Variants in HS3ST2 observed in about 807,000 individuals in gnomAD.
The protein encoded by HS3ST2 is heparan sulfate-glucosamine 3-sulfotransferase 2.
A neutral mutation model predicts 26.3 loss-of-function variants in HS3ST2; 17 were observed. The ratio of observed to expected loss-of-function variants is 0.65; its 90% CI spans 0.44 to 0.97. The LOEUF (loss-of-function observed/expected upper bound fraction) is 0.97. Among genes scored for constraint, HS3ST2 ranks in the 50% least tolerant of loss-of-function variants. The probability of loss-of-function intolerance (pLI) is 0.00; values close to 1 mark genes in which losing one functional copy is unlikely to be tolerated. For synonymous variants in HS3ST2, 237 were observed against 219.2 expected, an observed-to-expected ratio of 1.08 and a Z score of -0.72; for missense variants, 402 against 501.2, an observed-to-expected ratio of 0.80 and a Z score of 1.89.
intron 1 of HS3ST2, among the ~76,000 whole-genome samples, chr16:22,909,614 G>C (rs538617239): frequency 2.0e-5 from 3 of 152,120 alleles, no homozygotes; most frequent in Non-Finnish European, 4.4e-5. Flanking sequence ...GTGTTTTTTG[G>C]TGGGATAGAG....
At chr16:22,881,020 C>G (rs1449503672) in intron 1 of HS3ST2, among the ~76,000 whole-genome samples, 1 of 152,180 alleles carries the variant, frequency 6.6e-6, no homozygotes, top group African/African-American at 2.4e-5. Flanking sequence ...CAATACATTC[C>G]CTTGTTGTTT....
intron 1 of HS3ST2, among the ~76,000 whole-genome samples, chr16:22,851,921 T>C (rs1452775636): frequency 6.6e-6 from 1 of 152,192 alleles, no homozygotes; most frequent in East Asian, 1.9e-4. Context: ...TGCAGTCACC[T>C]ATGAGAATAC....
intron 1 of HS3ST2, among the ~76,000 whole-genome samples, chr16:22,818,709 CTCCTTCCTTCCT>C (rs1356019319): frequency 1.0e-4 from 8 of 76,754 alleles, no homozygotes; most frequent in South Asian, 4.3e-4. Flanking sequence ...CCTTCCTTCC[CTCCTTCCTTCCT>C]TCCCTCCCTC....
chr16:22,838,220 A>G (rs1173578270), intron 1 of HS3ST2, among the ~76,000 whole-genome samples: 1 of 152,106 alleles, frequency 6.6e-6, no homozygotes, highest in South Asian at 2.1e-4. Flanking sequence ...AAGAGATTCT[A>G]GAGCTAGACA....
At chr16:22,852,402 G>A (rs969957314) in intron 1 of HS3ST2, among the ~76,000 whole-genome samples, 12 of 152,328 alleles carry the variant, frequency 7.9e-5, no homozygotes, top group African/African-American at 2.2e-4. Context: ...TAGGAGGCAA[G>A]CTCAGTAAAT....
At chr16:22,858,422 G>A (rs1901630602) in intron 1 of HS3ST2, among the ~76,000 whole-genome samples, 1 of 151,450 alleles carries the variant, frequency 6.6e-6, no homozygotes, top group Non-Finnish European at 1.5e-5. Context: ...GATGTGAGTT[G>A]GGCTTTTTTC....
At chr16:22,881,276 C>T (rs1045181397) in intron 1 of HS3ST2, among the ~76,000 whole-genome samples, 1 of 152,234 alleles carries the variant, frequency 6.6e-6, no homozygotes, top group Non-Finnish European at 1.5e-5. Flanking sequence ...TTGTGAAATG[C>T]TGTTTCCCTT....
chr16:22,883,390 T>C (rs1902018365), intron 1 of HS3ST2, among the ~76,000 whole-genome samples: 1 of 152,190 alleles, frequency 6.6e-6, no homozygotes, highest in Non-Finnish European at 1.5e-5. Flanking sequence ...AACAGTTGGA[T>C]GAATAGGAGA....
At position 22,894,766 on chromosome 16, in the gene HS3ST2, G is replaced by C. The variant is rs1222409728; in HGVS notation, c.486-20178G>C. Reference sequence around the variant, plus strand: ...AAAAAAAAAAAAGGAGTTGGAGGCTGTCGTGCGCCGTGATCGTGCCACTGC... The same window carrying C: ...AAAAAAAAAAAAGGAGTTGGAGGCTCTCGTGCGCCGTGATCGTGCCACTGC... On this transcript the variant is annotated intron_variant, in intron 1 of 1. Transcript: ENST00000261374. 2.0e-5 allele frequency among the ~76,000 whole-genome samples: 3 copies of C among 151,324 alleles called. No individual in the cohort carries two copies. The East Asian group carries it at 5.8e-4, about 29-fold the overall frequency.
At chr16:22,893,310 A>AGCTCATAT (rs1902154904) in intron 1 of HS3ST2, among the ~76,000 whole-genome samples, 1 of 152,214 alleles carries the variant, frequency 6.6e-6, no homozygotes, top group Admixed American at 6.5e-5. Flanking sequence ...TACATGTAAA[A>AGCTCATAT]GCTCATATAG....
chr16:22,913,477 G>A (rs963006389), intron 1 of HS3ST2, among the ~76,000 whole-genome samples: 12 of 152,162 alleles, frequency 7.9e-5, no homozygotes, highest in African/African-American at 2.7e-4. Flanking sequence ...GCTTGTTCAA[G>A]CCTACACAAA....
At chr16:22,912,464 A>G (rs113173915) in intron 1 of HS3ST2, among the ~76,000 whole-genome samples, 3,429 of 152,284 alleles carry the variant, frequency 0.023, 64 homozygotes, top group Middle Eastern at 0.071. Context: ...GGTAAATCAT[A>G]GTGTTAGTGA....
intron 1 of HS3ST2, among the ~76,000 whole-genome samples, chr16:22,830,891 A>G (rs1293581098): frequency 6.6e-6 from 1 of 152,236 alleles, no homozygotes; most frequent in African/African-American, 2.4e-5. Flanking sequence ...GCATTTACCT[A>G]AAATTGAAAC....
chr16:22,827,442 G>A lies in HS3ST2; in HGVS notation c.485+12347G>A, dbSNP rs554214809. Among the ~76,000 whole-genome samples, 7 of 152,290 alleles carry A rather than the reference G, an allele frequency of 4.6e-5. No homozygotes were observed. In the South Asian group the frequency reaches 1.2e-3, roughly 27 times the overall value. On this transcript the variant is annotated intron_variant, in intron 1 of 1. Transcript: ENST00000261374. ...GGCTGTTATGTAAGGCAGTAAGGAT[G>A]GAAGGAGGAAAACTGGCTAGGGGGC...
Position 22,915,475 on chromosome 16 carries a change from T to C in HS3ST2, c.1017T>C (p.Pro339=), listed in dbSNP as rs767288496. 1.1e-5 allele frequency: 18 copies of C among 1,613,934 alleles called. No individual in the cohort carries two copies. Among genetic ancestry groups the C allele is most frequent in the Admixed American group, 1.7e-5 (1 of 59,972 alleles). Reference sequence around the variant, plus strand: ...GGAGAACTCATGTACAGATTGATCCTGAAGTGATAGACCAGCTCCGAGAAT... The same window carrying C: ...GGAGAACTCATGTACAGATTGATCCCGAAGTGATAGACCAGCTCCGAGAAT... ...SKGRTHVQID[P]EVIDQLREFY... The change falls in exon 2 of 2, where the codon CCT becomes CCC. Residue 339 remains proline (P), a synonymous_variant. Coordinates refer to ENST00000261374, the MANE Select transcript of HS3ST2 (RefSeq NM_006043.2).
chr16:22,911,570 G>A (rs2141749428), intron 1 of HS3ST2, among the ~76,000 whole-genome samples: 1 of 152,342 alleles, frequency 6.6e-6, no homozygotes, highest in South Asian at 2.1e-4. Context: ...GCTCTGAGAA[G>A]AATCTGCCCT....
intron 1 of HS3ST2, among the ~76,000 whole-genome samples, chr16:22,857,618 G>A (rs1297791019): frequency 2.6e-5 from 4 of 152,164 alleles, no homozygotes; most frequent in African/African-American, 9.7e-5. Context: ...CTGGGCTGGG[G>A]AAAGCTCTTA....
rs74855983 is a variant in HS3ST2 at position 22,864,577 on chromosome 16, G to A, written c.485+49482G>A. On this transcript the variant is annotated intron_variant, in intron 1 of 1. Coordinates refer to ENST00000261374, the MANE Select transcript of HS3ST2 (RefSeq NM_006043.2). ...AAATGTGGCTGCAGGGGCCCCTCCT[G>A]GGGGTGAAGGGGCTGCTCACAGAGA... Among the ~76,000 whole-genome samples the A allele has an allele frequency of 3.8e-3, 572 of 152,250 alleles. 15 individuals carry two copies. The highest frequency in any genetic ancestry group is 0.033 in the East Asian group (170 of 5,166).
intron 1 of HS3ST2, among the ~76,000 whole-genome samples, chr16:22,858,062 C>T (rs914157581): frequency 6.7e-6 from 1 of 149,832 alleles, no homozygotes; most frequent in Non-Finnish European, 1.5e-5. Context: ...AAGAATAACA[C>T]ACACTTTTGC....
Sources: allele counts gnomAD v4.1 joint callset (sites outside exome capture counted in the v4.1 genomes callset), GRCh38; gene constraint gnomAD v4.1.1; transcripts MANE v1.5; gene names NCBI Gene and HGNC (gene_info 2026-07-23, HGNC 2026-07-21).